The following MAP3K15 variants were observed in gnomAD, a reference collection of about 807,000 sequenced individuals.
The protein encoded by MAP3K15 is mitogen-activated protein kinase kinase kinase 15, also known as MAPK/ERK kinase kinase 15.
A neutral mutation model predicts 99.5 loss-of-function variants in MAP3K15; 124 were observed. That is an observed-to-expected ratio of 1.25 (90% CI 1.08 to 1.45). MAP3K15 has a LOEUF of 1.45. Among genes scored for constraint, MAP3K15 ranks in the 40% most tolerant of loss-of-function variants. The pLI is 0.00. For synonymous variants in MAP3K15, 494 were observed against 439.6 expected (o/e 1.12, Z -1.55); for missense variants, 1,242 against 1,079.7 (o/e 1.15, Z -2.11).
chrX:19,482,179 C>CAAAAAAAAAAAAAAAAAA (rs34191166), intron 3 of MAP3K15: 6 of 31,459 alleles, frequency 1.9e-4, no homozygotes, highest in Non-Finnish European at 3.2e-4. Flanking sequence ...GATTCCAGCT[C>CAAAAAAAAAAAAAAAAAA]AAAAAAAAAA....
chrX:19,439,859 A>G (rs929609514), intron 6 of MAP3K15, among the ~76,000 whole-genome samples: 5 of 112,035 alleles, frequency 4.5e-5, no homozygotes, highest in Non-Finnish European at 7.5e-5. Context: ...TGGGGCAATC[A>G]CTGGGGTCTG....
intron 25 of MAP3K15, among the ~76,000 whole-genome samples, chrX:19,365,360 C>T (rs981342183): frequency 8.9e-6 from 1 of 112,429 alleles, no homozygotes; most frequent in Non-Finnish European, 1.9e-5. Context: ...TGCTGGGTTT[C>T]CCCACTCAGT....
intron 1 of MAP3K15, among the ~76,000 whole-genome samples, chrX:19,500,903 G>A (rs190394085): frequency 2.0e-4 from 22 of 111,888 alleles, no homozygotes; most frequent in Non-Finnish European, 3.9e-4. Context: ...ACCAGCCCAC[G>A]GATATCTACT....
At chrX:19,447,380 C>T (rs375919730) in intron 6 of MAP3K15, among the ~76,000 whole-genome samples, 2 of 111,818 alleles carry the variant, frequency 1.8e-5, no homozygotes, top group South Asian at 3.8e-4. Flanking sequence ...CAGGCATAAA[C>T]GTATCCTCCC....
At chrX:19,390,525 GTAT>G (rs1457289846) in intron 18 of MAP3K15, among the ~76,000 whole-genome samples, 7 of 101,952 alleles carry the variant, frequency 6.9e-5, no homozygotes, top group African/African-American at 3.5e-5. Flanking sequence ...TAATCATTAT[GTAT>G]TATATTATAT....
chrX:19,390,303 CTTTTTTTTTT>C (rs869140702), intron 18 of MAP3K15, among the ~76,000 whole-genome samples: 31 of 69,395 alleles, frequency 4.5e-4, no homozygotes, highest in African/African-American at 2.1e-3. Context: ...CTAATTTTTT[CTTTTTTTTTT>C]TTTTTTTTTT....
intron 7 of MAP3K15, among the ~76,000 whole-genome samples, chrX:19,426,965 A>G (rs1444458612): frequency 9.1e-6 from 1 of 110,187 alleles, no homozygotes; most frequent in African/African-American, 3.3e-5. Flanking sequence ...AGTACACAAA[A>G]GAAATTTAAA....
chrX:19,421,784 A>G (rs1258718286), intron 9 of MAP3K15, among the ~76,000 whole-genome samples: 1 of 109,988 alleles, frequency 9.1e-6, no homozygotes, highest in African/African-American at 3.4e-5. Flanking sequence ...AAACTATACT[A>G]CAAGGCTACG....
chrX:19,361,030 G>C, intron 28 of MAP3K15, 197 bp from the exon 29 acceptor site: 2 of 421,165 alleles, frequency 4.7e-6, no homozygotes, highest in East Asian at 3.9e-5. Context: ...CAAATGACTC[G>C]GGAACAAGAA....
chrX:19,450,652 T>C (rs1415109452), intron 6 of MAP3K15, among the ~76,000 whole-genome samples: 1 of 108,555 alleles, frequency 9.2e-6, no homozygotes, highest in African/African-American at 3.3e-5. Context: ...TCACCCCTCA[T>C]GAACCCTCTT....
intron 3 of MAP3K15, among the ~76,000 whole-genome samples, chrX:19,465,624 C>T (rs2064161604): frequency 9.3e-6 from 1 of 107,606 alleles, no homozygotes; most frequent in African/African-American, 3.4e-5. Context: ...TGTGGTAGCA[C>T]ATGCCTGTAG....
Position 19,515,339 on chromosome X carries a change from G to T in MAP3K15, c.-78C>A. 1 of 655,208 alleles carries T rather than the reference G, an allele frequency of 1.5e-6. No homozygotes were observed. 54.0% of individuals were successfully genotyped at this position (655,208 alleles called of 1,213,427 possible). ...CTAGGAGGCACAAGTTACAGCAGCC[G>T]CGCAGGCGGTCCCGGCACCTGCTCC... On this transcript the variant is annotated 5_prime_UTR_variant, in exon 1 of 29. Coordinates refer to ENST00000338883, the MANE Select transcript of MAP3K15 (RefSeq NM_001001671.4).
intron 12 of MAP3K15, among the ~76,000 whole-genome samples, chrX:19,409,490 T>A (rs186602974): frequency 1.7e-3 from 193 of 111,170 alleles, no homozygotes; most frequent in Non-Finnish European, 2.8e-3. Context: ...CTCCCGAGAA[T>A]ACACCACCTC....
At chrX:19,370,766 T>G (rs2147212922) in intron 24 of MAP3K15, among the ~76,000 whole-genome samples, 193 bp downstream of exon 24, 1 of 111,951 alleles carries the variant, frequency 8.9e-6, no homozygotes, top group Non-Finnish European at 1.9e-5. Flanking sequence ...CAGGGACACG[T>G]AAATACAGCA....
chrX:19,435,560 A>G (rs1209073566), intron 6 of MAP3K15, among the ~76,000 whole-genome samples: 2 of 112,646 alleles, frequency 1.8e-5, no homozygotes, highest in Non-Finnish European at 3.7e-5. Flanking sequence ...ACTCAAAACA[A>G]AAAGTCTTTT....
chrX:19,487,963 A>AC (rs57522630), intron 2 of MAP3K15, among the ~76,000 whole-genome samples: 1,678 of 110,633 alleles, frequency 0.015, 45 homozygotes, highest in African/African-American at 0.052. Context: ...CTTGGTCCCA[A>AC]CCCCCATCCC....
rs748394042 is a variant in MAP3K15 at position 19,510,395 on chromosome X, G to A, written c.361+4506C>T. ...TGAATGCAAGGCTGGTTCAACATAC[G>A]CAAATCAACAAACATAATCGATCAC... is the stretch of plus-strand genomic sequence containing the variant. On this transcript the variant is annotated intron_variant, in intron 1 of 28. Coordinates refer to ENST00000338883, the MANE Select transcript of MAP3K15 (RefSeq NM_001001671.4). Among the ~76,000 whole-genome samples, 23 of 111,834 alleles carry A rather than the reference G, an allele frequency of 2.1e-4. No individual in the cohort carries two copies. The South Asian group carries it at 4.1e-3, about 20-fold the overall frequency.
chrX:19,381,796 G>A (rs148228327), intron 18 of MAP3K15, among the ~76,000 whole-genome samples: 1,742 of 111,932 alleles, frequency 0.016, 30 homozygotes, highest in African/African-American at 0.052. Flanking sequence ...CAAAGGGGAC[G>A]TGTGTGAAAG....
intron 3 of MAP3K15, among the ~76,000 whole-genome samples, chrX:19,476,304 T>C (rs2064242873): frequency 8.9e-6 from 1 of 112,019 alleles, no homozygotes; most frequent in Non-Finnish European, 1.9e-5. Flanking sequence ...ATGTGATACT[T>C]TGGAGCTTAT....
Sources: allele counts gnomAD v4.1 joint callset (sites outside exome capture counted in the v4.1 genomes callset), GRCh38; gene constraint gnomAD v4.1.1; transcripts MANE v1.5; gene names NCBI Gene and HGNC (gene_info 2026-07-23, HGNC 2026-07-21).